Variants in EYS observed in about 807,000 individuals in gnomAD.
EYS encodes EGF-like photoreceptor maintenance factor, also known as protein eyes shut homolog.
Under a neutral mutation model 282.1 loss-of-function variants are expected in EYS, and 250 were observed. That is an observed-to-expected ratio of 0.89 (90% CI 0.80 to 0.98). EYS has a LOEUF of 0.98. Ranked by LOEUF, EYS falls within the 50% of genes least tolerant of loss-of-function variation. The probability of loss-of-function intolerance (pLI) is 0.00; values close to 1 mark genes in which losing one functional copy is unlikely to be tolerated. For synonymous variants in EYS, 1,355 were observed against 1,282.9 expected (o/e 1.06, Z -1.20); for missense variants, 4,016 against 3,709.0 (o/e 1.08, Z -2.15).
chr6:65,226,551 C>G (rs1309150001), intron 12 of EYS, among the ~76,000 whole-genome samples: 1 of 151,888 alleles, frequency 6.6e-6, no homozygotes, highest in Non-Finnish European at 1.5e-5. Flanking sequence ...TACGGAAATC[C>G]AAATCAAAGC....
intron 31 of EYS, among the ~76,000 whole-genome samples, chr6:64,128,707 CTTAT>C (rs1046105813): frequency 3.9e-5 from 6 of 152,268 alleles, no homozygotes; most frequent in African/African-American, 9.6e-5. Context: ...CAATGTTCTA[CTTAT>C]TTGTTTCAAA....
rs1285781522 is a variant in EYS, at chr6:64,583,445, G to T, written c.5644+6778C>A. On this transcript the variant is annotated intron_variant, in intron 26 of 42. Transcript: ENST00000503581. ...AGGCAAACAAACAAACAATCATAGT[G>T]GTGACTGGTGCCTGTCACAAAGTAG... is the stretch of plus-strand genomic sequence containing the variant. Among the ~76,000 whole-genome samples the T allele has an allele frequency of 3.9e-5, 6 of 152,066 alleles. 1 individual carries two copies. The South Asian group carries it at 8.3e-4, about 21-fold the overall frequency.
intron 7 of EYS, 81 bp downstream of exon 7, chr6:65,402,397 C>A (rs1308133170): frequency 2.6e-5 from 27 of 1,028,894 alleles, no homozygotes; most frequent in Non-Finnish European, 3.4e-5. Context: ...GGGTTAAAAC[C>A]AGAACATCAT....
chr6:64,248,528 TACCAG>T (rs1767093182), intron 30 of EYS, among the ~76,000 whole-genome samples: 1 of 152,104 alleles, frequency 6.6e-6, no homozygotes, highest in Non-Finnish European at 1.5e-5. Flanking sequence ...ATGAGGTGTG[TACCAG>T]TCAGGGGCTG....
At chr6:65,628,905 A>G (rs1405084462) in intron 2 of EYS, among the ~76,000 whole-genome samples, 2 of 152,230 alleles carry the variant, frequency 1.3e-5, no homozygotes, top group East Asian at 1.9e-4. Flanking sequence ...AAATAATTCA[A>G]TGGTTTTCAT....
At chr6:64,173,491 G>C (rs1340494270) in intron 31 of EYS, among the ~76,000 whole-genome samples, 1 of 152,146 alleles carries the variant, frequency 6.6e-6, no homozygotes, top group Admixed American at 6.5e-5. Flanking sequence ...ACTTGAAACA[G>C]CATCTTAACC....
intron 2 of EYS, among the ~76,000 whole-genome samples, chr6:65,600,144 C>A (rs1210214601): frequency 6.6e-6 from 1 of 151,982 alleles, no homozygotes; most frequent in Non-Finnish European, 1.5e-5. Context: ...GTAGTGATTC[C>A]TAACCTTTTG....
chr6:65,015,835 C>T (rs1471660006), intron 13 of EYS, among the ~76,000 whole-genome samples: 46 of 123,594 alleles, frequency 3.7e-4, no homozygotes, highest in African/African-American at 1.5e-3. Context: ...GAGACTGAGA[C>T]CATCCTGGCC....
chr6:64,550,924 A>G (rs1765055193), intron 26 of EYS, among the ~76,000 whole-genome samples: 1 of 152,124 alleles, frequency 6.6e-6, no homozygotes, highest in Non-Finnish European at 1.5e-5. Flanking sequence ...GGATCTCTTC[A>G]AGGAGAAATC....
chr6:64,497,277 A>G (rs1314082927), intron 26 of EYS, among the ~76,000 whole-genome samples: 1 of 152,186 alleles, frequency 6.6e-6, no homozygotes, highest in African/African-American at 2.4e-5. Flanking sequence ...ATAGTCAAGA[A>G]GGGCTCTGAC....
At chr6:64,110,061 A>G (rs1404985139) in intron 31 of EYS, among the ~76,000 whole-genome samples, 1 of 152,064 alleles carries the variant, frequency 6.6e-6, no homozygotes, top group Admixed American at 6.6e-5. Flanking sequence ...CTTTTTTTCT[A>G]TAACAGAATA....
chr6:65,481,610 G>A (rs527512332), intron 5 of EYS, among the ~76,000 whole-genome samples: 39 of 152,270 alleles, frequency 2.6e-4, no homozygotes, highest in Middle Eastern at 3.4e-3. Context: ...GTGCAGTGGC[G>A]CGATCTCGGC....
chr6:65,028,903 G>A (rs1362588380), intron 13 of EYS, among the ~76,000 whole-genome samples: 1 of 152,002 alleles, frequency 6.6e-6, no homozygotes, highest in Non-Finnish European at 1.5e-5. Flanking sequence ...ATAAGGAAGA[G>A]CTTTGCCTTT....
chr6:63,829,537 G>T (rs544231440), intron 36 of EYS, among the ~76,000 whole-genome samples: 2 of 152,310 alleles, frequency 1.3e-5, no homozygotes, highest in Admixed American at 1.3e-4. Context: ...CATTGCTGAG[G>T]CTTGAGTAGG....
intron 26 of EYS, among the ~76,000 whole-genome samples, chr6:64,546,432 G>A (rs372455870): frequency 3.6e-4 from 55 of 150,772 alleles, no homozygotes; most frequent in African/African-American, 1.2e-3. Flanking sequence ...AAGAAAACCT[G>A]GGCAATACCA....
Position 65,205,832 on chromosome 6 carries a change from T to C in EYS, c.2023+90031A>G, listed in dbSNP as rs574873542. ...AATTAAGGAAGAAATCCAAAAGTTT[T>C]GAAACAAAGAAAAATGGAAACACAA... On this transcript the variant is annotated intron_variant, in intron 12 of 42. Transcript: ENST00000503581. Among the ~76,000 whole-genome samples, 4 of 151,934 alleles carry C rather than the reference T, an allele frequency of 2.6e-5. No homozygotes were observed. In the East Asian group the frequency reaches 7.7e-4, roughly 29 times the overall value.
chr6:64,294,977 A>C (rs7762115), intron 30 of EYS, among the ~76,000 whole-genome samples: 2 of 151,904 alleles, frequency 1.3e-5, no homozygotes, highest in Admixed American at 1.3e-4. Flanking sequence ...TGTAAGACCA[A>C]CTAGCTGCTA....
chr6:64,217,083 A>ATGTGTTGTAGAATG (rs1198530735), intron 31 of EYS, among the ~76,000 whole-genome samples: 1 of 152,222 alleles, frequency 6.6e-6, no homozygotes, highest in African/African-American at 2.4e-5. Flanking sequence ...ATCAAAATAT[A>ATGTGTTGTAGAATG]TGTGTTGTAG....
intron 28 of EYS, among the ~76,000 whole-genome samples, chr6:64,435,898 G>A (rs1377736948): frequency 6.6e-6 from 1 of 151,822 alleles, no homozygotes; most frequent in African/African-American, 2.4e-5. Flanking sequence ...CAGTTTAGTT[G>A]ATTTGTTACA....
Sources: gnomAD v4.1 joint callset for allele counts (sites outside exome capture counted in the v4.1 genomes callset) on GRCh38, gnomAD v4.1.1 for gene constraint, MANE v1.5 for transcripts, NCBI Gene and HGNC (gene_info 2026-07-23, HGNC 2026-07-21) for gene names.